The following ENAH variants were observed in gnomAD, a reference collection of about 807,000 sequenced individuals.
ENAH encodes protein enabled homolog.
ENAH carries 23 observed loss-of-function variants against 78.7 expected under a neutral mutation model. The ratio of observed to expected loss-of-function variants is 0.29; its 90% confidence interval spans 0.21 to 0.41. ENAH has a LOEUF of 0.41. ENAH is among the 10% of genes least tolerant of loss of function. The pLI, the probability that ENAH is intolerant of heterozygous loss-of-function variation, is 1.00. For synonymous variants in ENAH, 226 were observed against 241.0 expected, an observed-to-expected ratio of 0.94 and a Z score of 0.58; for missense variants, 544 against 691.0, an observed-to-expected ratio of 0.79 and a Z score of 2.39.
At chr1:225,585,198 G>A (rs1331302535) in intron 1 of ENAH, among the ~76,000 whole-genome samples, 13 of 134,312 alleles carry the variant, frequency 9.7e-5, no homozygotes, top group Non-Finnish European at 1.6e-4. Context: ...TCTGGGCGAC[G>A]GAGTGATACC....
intron 3 of ENAH, among the ~76,000 whole-genome samples, chr1:225,552,230 G>A (rs983479751): frequency 6.4e-5 from 9 of 139,986 alleles, no homozygotes; most frequent in Middle Eastern, 4.3e-3. Context: ...TCCGCCTCCC[G>A]GGTTCACACC....
intron 11 of ENAH, among the ~76,000 whole-genome samples, chr1:225,504,338 T>C (rs1014573732): frequency 6.6e-6 from 1 of 152,140 alleles, no homozygotes; most frequent in East Asian, 1.9e-4. Context: ...GATGAGAGCG[T>C]TGCCTTTAAA....
At chr1:225,623,587 GTTTTTT>G (rs10600222) in intron 1 of ENAH, among the ~76,000 whole-genome samples, 1 of 137,580 alleles carries the variant, frequency 7.3e-6, no homozygotes, top group African/African-American at 2.7e-5. Context: ...TTTTTGTTGG[GTTTTTT>G]TTTTTTTTTT....
At chr1:225,564,132 T>C (rs2096722739) in intron 2 of ENAH, among the ~76,000 whole-genome samples, 1 of 152,190 alleles carries the variant, frequency 6.6e-6, no homozygotes, top group South Asian at 2.1e-4. Flanking sequence ...GTTTGTTTTT[T>C]TGAGACATGG....
At chr1:225,639,679 G>A (rs549506960) in intron 1 of ENAH, among the ~76,000 whole-genome samples, 75 of 148,380 alleles carry the variant, frequency 5.1e-4, no homozygotes, top group African/African-American at 1.7e-3. Context: ...TGTTATAGCA[G>A]CACAAAATGG....
intron 1 of ENAH, among the ~76,000 whole-genome samples, chr1:225,583,582 G>A (rs1272141779): frequency 2.6e-5 from 4 of 151,638 alleles, no homozygotes; most frequent in Admixed American, 2.0e-4. Flanking sequence ...AAGCAGAGGC[G>A]GGTGGATCAC....
At chr1:225,609,704 G>A (rs941315889) in intron 1 of ENAH, among the ~76,000 whole-genome samples, 1 of 113,472 alleles carries the variant, frequency 8.8e-6, no homozygotes, top group Non-Finnish European at 1.6e-5. Flanking sequence ...TCTCTCTGTC[G>A]CCCAGGCTGG....
intron 1 of ENAH, among the ~76,000 whole-genome samples, chr1:225,615,824 A>G (rs2097027381): frequency 6.6e-6 from 1 of 152,210 alleles, no homozygotes; most frequent in African/African-American, 2.4e-5. Flanking sequence ...CCCGTCTGGG[A>G]GGTGTACCCA....
intron 3 of ENAH, among the ~76,000 whole-genome samples, chr1:225,549,388 C>T (rs1338613283): frequency 6.6e-6 from 1 of 152,188 alleles, no homozygotes; most frequent in African/African-American, 2.4e-5. Context: ...CTCTGGTTAA[C>T]AGGACCATCT....
chr1:225,519,100 C>T, intron 5 of ENAH, 98 bp downstream of exon 5: 1 of 1,507,262 alleles, frequency 6.6e-7, no homozygotes. Flanking sequence ...GGCTTAATCC[C>T]AAACATCTCA....
intron 1 of ENAH, among the ~76,000 whole-genome samples, chr1:225,577,751 T>C (rs999203589): frequency 1.8e-4 from 27 of 152,212 alleles, no homozygotes; most frequent in African/African-American, 5.5e-4. Context: ...AGCAAATCTA[T>C]TGGGTCATTC....
At chr1:225,610,254 AT>A (rs751013643) in intron 1 of ENAH, among the ~76,000 whole-genome samples, 7 of 151,848 alleles carry the variant, frequency 4.6e-5, no homozygotes, top group Non-Finnish European at 8.8e-5. Flanking sequence ...TGATTTTCTT[AT>A]GTAACTTTCA....
intron 1 of ENAH, among the ~76,000 whole-genome samples, chr1:225,577,532 AT>A (rs776971303): frequency 1.3e-5 from 2 of 152,254 alleles, no homozygotes; most frequent in African/African-American, 2.4e-5. Context: ...GACCACACTT[AT>A]GTTTCATTCA....
At chr1:225,567,477 T>A (rs917846548) in intron 1 of ENAH, 63 bp from the exon 2 acceptor site, 2 of 1,501,792 alleles carry the variant, frequency 1.3e-6, no homozygotes, top group Admixed American at 2.0e-5. Flanking sequence ...GTGTTCCACA[T>A]AGCCACACAA....
At chr1:225,573,054 T>C (rs1316602233) in intron 1 of ENAH, among the ~76,000 whole-genome samples, 3 of 152,228 alleles carry the variant, frequency 2.0e-5, no homozygotes, top group Non-Finnish European at 2.9e-5. Context: ...ATGAGAACGC[T>C]TGCCAAGTTC....
intron 3 of ENAH, among the ~76,000 whole-genome samples, chr1:225,540,080 G>A (rs1037486158): frequency 1.2e-4 from 18 of 152,000 alleles, no homozygotes; most frequent in Admixed American, 7.2e-4. Context: ...AAGACTCTCG[G>A]GAGAAAAGTT....
At chr1:225,628,150 ATTC>A (rs947059335) in intron 1 of ENAH, among the ~76,000 whole-genome samples, 18 of 152,228 alleles carry the variant, frequency 1.2e-4, no homozygotes, top group Admixed American at 4.6e-4. Flanking sequence ...CTGTAAATCA[ATTC>A]TTCTTAGATT....
chr1:225,597,614 C>T (rs1292376052), intron 1 of ENAH, among the ~76,000 whole-genome samples: 3 of 146,120 alleles, frequency 2.1e-5, no homozygotes, highest in South Asian at 2.2e-4. Context: ...GCCATGACTG[C>T]GCCACTGCCC....
intron 3 of ENAH, among the ~76,000 whole-genome samples, chr1:225,532,870 G>A (rs2096544537): frequency 6.6e-6 from 1 of 152,030 alleles, no homozygotes; most frequent in African/African-American, 2.4e-5. Flanking sequence ...AAAGCTTCAA[G>A]GAAGTTCCTT....
Sources: allele counts gnomAD v4.1 joint callset (sites outside exome capture counted in the v4.1 genomes callset), GRCh38; gene constraint gnomAD v4.1.1; transcripts MANE v1.5; gene names NCBI Gene and HGNC (gene_info 2026-07-23, HGNC 2026-07-21).